Variants in FEZ1 observed in about 807,000 individuals in gnomAD.
The protein encoded by FEZ1 is fasciculation and elongation protein zeta-1.
A neutral mutation model predicts 49.3 loss-of-function variants in FEZ1; 20 were observed. The observed-to-expected ratio is 0.41, with a 90% CI of 0.29 to 0.59. The LOEUF is 0.59. FEZ1 is among the 20% of genes least tolerant of loss of function. The pLI is 0.36. For synonymous variants in FEZ1, 170 were observed against 180.9 expected (o/e 0.94, Z 0.48); for missense variants, 413 against 476.0 (o/e 0.87, Z 1.23).
intron 3 of FEZ1, among the ~76,000 whole-genome samples, chr11:125,466,145 T>G (rs573745325): frequency 5.9e-5 from 9 of 152,220 alleles, no homozygotes; most frequent in African/African-American, 2.2e-4. Context: ...AAAAATAACT[T>G]CAGGCCAGGT....
intron 2 of FEZ1, among the ~76,000 whole-genome samples, chr11:125,484,576 G>A (rs1338184840): frequency 1.3e-5 from 2 of 151,678 alleles, no homozygotes; most frequent in Non-Finnish European, 2.9e-5. Context: ...GCTGAGGCAG[G>A]AGAATCACTT....
In FEZ1 at chr11:125,489,811, G is replaced by A. The variant is rs1385458354; in HGVS notation, c.-34C>T. On this transcript the variant is annotated 5_prime_UTR_variant, in exon 2 of 10. Coordinates refer to ENST00000278919, the MANE Select transcript of FEZ1 (RefSeq NM_005103.5). The surrounding 1 kb of genome is among the most constrained non-coding windows in gnomAD (Gnocchi z 4.2). ...AGCAGGAGAACAACAGCGACTTTCA[G>A]GATGAGTTTATCTAAAAGAAATGAA... is the stretch of plus-strand genomic sequence containing the variant. The A allele has an allele frequency of 1.3e-6, 2 of 1,515,688 alleles. No homozygotes were observed. Among genetic ancestry groups the A allele is most frequent in the South Asian group, 2.7e-5 (2 of 73,508 alleles). 93.9% of individuals were successfully genotyped at this position (1,515,688 alleles called of 1,614,324 possible).
chr11:125,449,209 ATT>A (rs35234938), intron 8 of FEZ1, among the ~76,000 whole-genome samples: 33 of 138,044 alleles, frequency 2.4e-4, no homozygotes, highest in East Asian at 4.2e-4. Flanking sequence ...TGCCCAGCTA[ATT>A]TTTTTTTTTT....
chr11:125,481,342 G>T (rs1210494858), intron 3 of FEZ1, among the ~76,000 whole-genome samples, 192 bp downstream of exon 3: 1 of 152,050 alleles, frequency 6.6e-6, no homozygotes, highest in Non-Finnish European at 1.5e-5. Context: ...AGAAATGGGG[G>T]TTTCACCACG....
At chr11:125,483,589 A>G (rs772906198) in intron 2 of FEZ1, among the ~76,000 whole-genome samples, 1 of 152,224 alleles carries the variant, frequency 6.6e-6, no homozygotes, top group Non-Finnish European at 1.5e-5. Context: ...TCTCCAAGAC[A>G]AAACTCCAAG....
intron 8 of FEZ1, chr11:125,451,553 ACT>A (rs1956957607): frequency 1.3e-5 from 2 of 151,742 alleles, no homozygotes; most frequent in Admixed American, 6.6e-5. Context: ...GTTAGCTGTC[ACT>A]CTCTGCAGGG....
At chr11:125,457,816 G>A (rs555215369) in intron 5 of FEZ1, among the ~76,000 whole-genome samples, 14 of 152,106 alleles carry the variant, frequency 9.2e-5, no homozygotes, top group South Asian at 2.1e-4. Context: ...AATGTACAGC[G>A]TCTAATGGTG....
chr11:125,476,839 A>G (rs2056170099), intron 3 of FEZ1, among the ~76,000 whole-genome samples: 4 of 152,226 alleles, frequency 2.6e-5, no homozygotes. Context: ...TCTCAAAAAT[A>G]TGCTGAATAG....
At chr11:125,456,314 T>G in intron 5 of FEZ1, 1 of 442,078 alleles carries the variant, frequency 2.3e-6, no homozygotes, top group Non-Finnish European at 3.9e-6. Context: ...AGAACACCCC[T>G]CTCAGGAAAC....
intron 2 of FEZ1, among the ~76,000 whole-genome samples, chr11:125,482,286 C>CT (rs1957288722): frequency 6.6e-6 from 1 of 152,178 alleles, no homozygotes; most frequent in Non-Finnish European, 1.5e-5. Flanking sequence ...ATCCTGCCCT[C>CT]TAACAATGTA....
At chr11:125,470,806 A>C (rs114557105) in intron 3 of FEZ1, among the ~76,000 whole-genome samples, 1 of 152,368 alleles carries the variant, frequency 6.6e-6, no homozygotes, top group African/African-American at 2.4e-5. Context: ...TGATAAATAC[A>C]TAGGTAAATA....
rs978107699 is a variant in FEZ1 at position 125,445,831 on chromosome 11, T to C, written c.*264A>G. 1.9e-6 allele frequency: 1 copy of C among 518,260 alleles called. No individual in the cohort carries two copies. The highest frequency in any genetic ancestry group is 3.6e-6 in the Non-Finnish European group (1 of 278,598). 32.1% of individuals were successfully genotyped at this position (518,260 alleles called of 1,614,324 possible). On this transcript the variant is annotated 3_prime_UTR_variant, in exon 10 of 10. Transcript: ENST00000278919. The surrounding 1 kb of genome is among the most constrained non-coding windows in gnomAD (Gnocchi z 4.4). Reference sequence around the variant, plus strand: ...TGAGGGCTGTAGCCAGACTACATAATGAGCGGTGAAAGCGGCTGCCTTCCC... The same window carrying C: ...TGAGGGCTGTAGCCAGACTACATAACGAGCGGTGAAAGCGGCTGCCTTCCC...
chr11:125,442,956 A>T lies in FEZ1; in HGVS notation c.*3139T>A, dbSNP rs1044644127. ...TCACCATGTTGGCCAGGCTGGTCTC[A>T]AACTCCTGACCTCAGGTGATCTGCC... On this transcript the variant is annotated 3_prime_UTR_variant, in exon 10 of 10. Transcript: ENST00000278919. Among the ~76,000 whole-genome samples the T allele has an allele frequency of 2.6e-5, 4 of 151,896 alleles. No individual in the cohort carries two copies. Among genetic ancestry groups the T allele is most frequent in the Admixed American group, 2.0e-4 (3 of 15,260 alleles).
chr11:125,478,696 C>A (rs781031466), intron 3 of FEZ1, among the ~76,000 whole-genome samples: 1 of 152,124 alleles, frequency 6.6e-6, no homozygotes, highest in African/African-American at 2.4e-5. Flanking sequence ...CTTTTGCTAC[C>A]CTGTCCTTTT....
At chr11:125,455,710 C>T in intron 6 of FEZ1, 125 bp downstream of exon 6, 1 of 950,192 alleles carries the variant, frequency 1.1e-6, no homozygotes, top group Non-Finnish European at 1.7e-6. Context: ...CTGTCTGTCA[C>T]AGTGTGCTGC....
intron 2 of FEZ1, among the ~76,000 whole-genome samples, chr11:125,486,521 C>A (rs868844531): frequency 2.6e-5 from 4 of 152,222 alleles, no homozygotes; most frequent in Middle Eastern, 3.2e-3. Flanking sequence ...GTTGACAAAT[C>A]TTAGCCAACT....
At position 125,489,837 on chromosome 11, in the gene FEZ1, CA is replaced by C; in HGVS notation, c.-45-16del. 1 of 1,509,314 alleles carries C rather than the reference CA, an allele frequency of 6.6e-7. No individual in the cohort carries two copies. Among genetic ancestry groups the C allele is most frequent in the African/African-American group, 1.4e-5 (1 of 71,598 alleles). The allele number at this position is 1,509,314 out of a possible 1,614,324, so 93.5% of individuals were successfully genotyped here. ...GATGAGTTTATCTAAAAGAAATGAA[CA>C]GCGTAATGTGAGTTTAGACCAGGCT... is the stretch of plus-strand genomic sequence containing the variant. On this transcript the variant is annotated splice_polypyrimidine_tract_variant and intron_variant, in intron 1 of 9. Coordinates refer to ENST00000278919, the MANE Select transcript of FEZ1 (RefSeq NM_005103.5). This position sits in a 1 kb window ranked among gnomAD's most constrained non-coding sequence, Gnocchi z 4.2.
chr11:125,463,421 C>T, intron 4 of FEZ1, 63 bp downstream of exon 4: 1 of 946,176 alleles, frequency 1.1e-6, no homozygotes, highest in South Asian at 1.3e-5. Context: ...CAAGTGTGTT[C>T]TCTTGGACTT....
intron 3 of FEZ1, among the ~76,000 whole-genome samples, chr11:125,466,794 C>T (rs1957134751): frequency 6.6e-6 from 1 of 152,074 alleles, no homozygotes. Flanking sequence ...TTATGTGGAG[C>T]CCTTGATTCC....
Sources: gnomAD v4.1 joint callset for allele counts (sites outside exome capture counted in the v4.1 genomes callset) on GRCh38, gnomAD v4.1.1 for gene constraint, Gnocchi (gnomAD v3.1) non-coding constraint, MANE v1.5 for transcripts, NCBI Gene and HGNC (gene_info 2026-07-23, HGNC 2026-07-21) for gene names.